The following ATP9A variants were observed in gnomAD, a reference collection of about 807,000 sequenced individuals.
ATP9A encodes the protein ATPase phospholipid transporting 9A, also known as probable phospholipid-transporting ATPase IIA.
A neutral mutation model predicts 144.1 loss-of-function variants in ATP9A; 52 were observed. The observed-to-expected ratio is 0.36, with a 90% CI of 0.29 to 0.45. ATP9A has a LOEUF of 0.45. Ranked by LOEUF, ATP9A falls within the 20% of genes least tolerant of loss-of-function variation. The pLI, the probability that ATP9A is intolerant of heterozygous loss-of-function variation, is 1.00. For missense variants in ATP9A, 947 were observed against 1,392.7 expected, an observed-to-expected ratio of 0.68 and a Z score of 5.09; for synonymous variants, 582 against 557.4, an observed-to-expected ratio of 1.04 and a Z score of -0.62.
chr20:51,724,703 C>T (rs758656547), intron 3 of ATP9A, among the ~76,000 whole-genome samples: 2 of 152,172 alleles, frequency 1.3e-5, no homozygotes, highest in Non-Finnish European at 2.9e-5. Flanking sequence ...CAGCACAGGG[C>T]CTGGCACACA....
intron 1 of ATP9A, among the ~76,000 whole-genome samples, chr20:51,736,545 G>A (rs1436823806): frequency 1.3e-5 from 2 of 151,226 alleles, no homozygotes; most frequent in Non-Finnish European, 2.9e-5. Context: ...TGGAGAACGA[G>A]GTCTCGCTAT....
Position 51,676,167 on chromosome 20 carries a change from G to A in ATP9A, c.841C>T (p.Arg281Trp), listed in dbSNP as rs1473801768. ...GVVLYTGREL[R>W]SVMNTSNPRS... Reference sequence around the variant, plus strand: ...GGATTTGAGGTATTCATGACACTCCGGAGTTCTCTGCCAGTGTAAAGAACA... The same window carrying A: ...GGATTTGAGGTATTCATGACACTCCAGAGTTCTCTGCCAGTGTAAAGAACA... Residue 281 changes from arginine to tryptophan, a missense_variant, in exon 10 of 28, where the codon CGG (arginine) becomes TGG (tryptophan). By Grantham distance (101) the Arg-to-Trp change is moderately radical. Transcript: ENST00000338821. 17 of 1,612,366 alleles carry A rather than the reference G, an allele frequency of 1.1e-5. No individual in the cohort carries two copies. The highest frequency in any genetic ancestry group is 1.7e-5 in the Admixed American group (1 of 59,824).
intron 2 of ATP9A, among the ~76,000 whole-genome samples, chr20:51,726,758 T>C (rs1357143980): frequency 6.6e-6 from 1 of 152,006 alleles, no homozygotes; most frequent in Non-Finnish European, 1.5e-5. Flanking sequence ...TTTTTGCTAT[T>C]TGTAGAGACA....
intron 16 of ATP9A, 137 bp downstream of exon 16, chr20:51,628,843 C>CT (rs1337214714): frequency 9.8e-6 from 7 of 715,384 alleles, no homozygotes; most frequent in Non-Finnish European, 1.7e-5. Context: ...ATGGGTGCTG[C>CT]TTTAAGCAGC....
chr20:51,699,031 T>C (rs949468737), intron 4 of ATP9A, among the ~76,000 whole-genome samples: 1 of 152,074 alleles, frequency 6.6e-6, no homozygotes, highest in African/African-American at 2.4e-5. Context: ...AATGTTCAGC[T>C]AAGAGAGAGA....
At chr20:51,619,918 G>A (rs532148563) in intron 19 of ATP9A, among the ~76,000 whole-genome samples, 20 of 150,316 alleles carry the variant, frequency 1.3e-4, no homozygotes, top group Middle Eastern at 7.0e-3. Flanking sequence ...GCCAGGTGTT[G>A]GATGATGCAT....
At chr20:51,762,316 C>T (rs979864669) in intron 1 of ATP9A, among the ~76,000 whole-genome samples, 4 of 152,064 alleles carry the variant, frequency 2.6e-5, no homozygotes, top group Non-Finnish European at 4.4e-5. Flanking sequence ...TCGGTCAACA[C>T]GGTGAAACCC....
intron 1 of ATP9A, among the ~76,000 whole-genome samples, chr20:51,766,943 A>T (rs2077906692): frequency 6.6e-6 from 1 of 152,084 alleles, no homozygotes; most frequent in East Asian, 1.9e-4. Context: ...TCCATTTTGC[A>T]GTCTTCCCTA....
chr20:51,650,411 G>GT (rs1005758249), intron 14 of ATP9A, among the ~76,000 whole-genome samples: 2 of 151,870 alleles, frequency 1.3e-5, no homozygotes, highest in Non-Finnish European at 2.9e-5. Context: ...GCGTGCACCT[G>GT]TAGTCCCAGC....
At chr20:51,740,399 C>T (rs1476987306) in intron 1 of ATP9A, among the ~76,000 whole-genome samples, 1 of 148,192 alleles carries the variant, frequency 6.7e-6, no homozygotes, top group Non-Finnish European at 1.5e-5. Flanking sequence ...CAGCCACTAT[C>T]TAAAATCTTT....
chr20:51,637,888 C>A (rs2077299583), intron 15 of ATP9A, among the ~76,000 whole-genome samples: 1 of 150,722 alleles, frequency 6.6e-6, no homozygotes, highest in African/African-American at 2.4e-5. Context: ...CGCCAAAGTC[C>A]ATTGTATTAT....
rs377620508 is a variant in ATP9A, at chr20:51,622,061, G to A, written c.2115+13C>T. The A allele has an allele frequency of 7.8e-5, 125 of 1,612,808 alleles. No homozygotes were observed. Among genetic ancestry groups the A allele is most frequent in the Non-Finnish European group, 1.0e-4 (120 of 1,178,976 alleles). The stretch of plus-strand genomic sequence containing the variant: ...ATCATCCCCACATGGCCCTAACGCA[G>A]AGGACACTTTACCAGCCGAAAAACG... On this transcript the variant is annotated intron_variant, in intron 19 of 27. Coordinates refer to ENST00000338821, the MANE Select transcript of ATP9A (RefSeq NM_006045.3).
At chr20:51,638,076 TATATATATATATATATA>T (rs2077301501) in intron 15 of ATP9A, among the ~76,000 whole-genome samples, 16 of 13,738 alleles carry the variant, frequency 1.2e-3, no homozygotes, top group African/African-American at 3.0e-3. Context: ...TCATTTTATA[TATATATATATATATATA>T]TATATATATA....
At chr20:51,605,705 G>A (rs999418310) in intron 26 of ATP9A, among the ~76,000 whole-genome samples, 1 of 151,896 alleles carries the variant, frequency 6.6e-6, no homozygotes, top group Non-Finnish European at 1.5e-5. Flanking sequence ...TGGAGGCCAG[G>A]AGTTCAAGAC....
chr20:51,752,386 C>T (rs1193944603), intron 1 of ATP9A, among the ~76,000 whole-genome samples: 1 of 152,178 alleles, frequency 6.6e-6, no homozygotes, highest in African/African-American at 2.4e-5. Context: ...GTCACTAGAA[C>T]GGAAGCCCCA....
intron 15 of ATP9A, among the ~76,000 whole-genome samples, chr20:51,634,821 C>T (rs1460480555): frequency 7.9e-6 from 1 of 126,706 alleles, no homozygotes; most frequent in African/African-American, 2.9e-5. Flanking sequence ...CGCCATTGCA[C>T]TCCAGTCTGG....
intron 22 of ATP9A, among the ~76,000 whole-genome samples, chr20:51,615,271 G>GT (rs1296168872): frequency 6.6e-6 from 1 of 152,022 alleles, no homozygotes; most frequent in Non-Finnish European, 1.5e-5. Flanking sequence ...AAAGTGAAGG[G>GT]TAGATGAATG....
chr20:51,713,068 C>A lies in ATP9A; in HGVS notation c.334G>T (p.Val112Leu). 1 of 1,609,792 alleles carries A rather than the reference C, an allele frequency of 6.2e-7. No homozygotes were observed. The highest frequency in any genetic ancestry group is 8.5e-7 in the Non-Finnish European group (1 of 1,178,290). ...TCACGGATGACAGTGACGGCCAGCA[C>A]GAAGCCCTGCAGAGACAGACGACAG... ...LYTYWVPLGF[V>L]LAVTVIREAV... The change falls in exon 4 of 28, where the codon GTG (valine) becomes TTG (leucine). Residue 112 changes from valine (V) to leucine (L), a missense_variant. By Grantham distance (32) the Val-to-Leu change is conservative. Transcript: ENST00000338821.
intron 1 of ATP9A, among the ~76,000 whole-genome samples, chr20:51,746,339 T>C (rs75709896): frequency 1.3e-5 from 2 of 152,238 alleles, no homozygotes; most frequent in Non-Finnish European, 2.9e-5. Flanking sequence ...TTTTATTTCA[T>C]TCACTTAACT....
Sources: allele counts gnomAD v4.1 joint callset (sites outside exome capture counted in the v4.1 genomes callset), GRCh38; gene constraint gnomAD v4.1.1; transcripts MANE v1.5; gene names NCBI Gene and HGNC (gene_info 2026-07-23, HGNC 2026-07-21).